ADAMTS18: variants seen among roughly 807,000 people sequenced by gnomAD.
The protein encoded by ADAMTS18 is A disintegrin and metalloproteinase with thrombospondin motifs 18.
Under a neutral mutation model 165.9 loss-of-function variants are expected in ADAMTS18, and 157 were observed. The observed-to-expected ratio is 0.95, with a 90% CI of 0.83 to 1.08. ADAMTS18 has a LOEUF of 1.08. Ranked by LOEUF, ADAMTS18 falls within the 50% of genes least tolerant of loss-of-function variation. The pLI, the probability that ADAMTS18 is intolerant of heterozygous loss-of-function variation, is 0.00. For synonymous variants in ADAMTS18, 782 were observed against 578.2 expected (o/e 1.35, Z -5.06); for missense variants, 2,040 against 1,534.0 (o/e 1.33, Z -5.51).
chr16:77,424,229 G>A (rs1421910429), intron 3 of ADAMTS18, among the ~76,000 whole-genome samples: 1 of 152,186 alleles, frequency 6.6e-6, no homozygotes, highest in Non-Finnish European at 1.5e-5. Context: ...AGCACTTTGG[G>A]AGGCCAAGGC....
At chr16:77,394,856 A>G (rs773863312) in intron 3 of ADAMTS18, among the ~76,000 whole-genome samples, 9 of 152,202 alleles carry the variant, frequency 5.9e-5, no homozygotes, top group Non-Finnish European at 1.0e-4. Flanking sequence ...TACAAGCTCC[A>G]TGGGTGAGCC....
At chr16:77,428,530 CT>C in intron 3 of ADAMTS18, among the ~76,000 whole-genome samples, 1 of 152,084 alleles carries the variant, frequency 6.6e-6, no homozygotes, top group Non-Finnish European at 1.5e-5. Flanking sequence ...AATATCAAGT[CT>C]TCAGGAGGAT....
At chr16:77,356,227 T>C in intron 8 of ADAMTS18, 150 bp from the exon 9 acceptor site, 2 of 972,722 alleles carry the variant, frequency 2.1e-6, no homozygotes, top group Non-Finnish European at 1.5e-6. Context: ...CAAATTACTA[T>C]AGATTGTTAT....
intron 3 of ADAMTS18, among the ~76,000 whole-genome samples, chr16:77,369,095 T>C (rs2056840168): frequency 6.6e-6 from 1 of 152,216 alleles, no homozygotes; most frequent in African/African-American, 2.4e-5. Context: ...ACCTGTGGGA[T>C]TCAGAATCGT....
chr16:77,391,588 T>A (rs1044085939), intron 3 of ADAMTS18, among the ~76,000 whole-genome samples: 5 of 151,812 alleles, frequency 3.3e-5, no homozygotes, highest in Admixed American at 1.3e-4. Context: ...AGAGTACCAA[T>A]GGCCAGGAAG....
At chr16:77,374,353 C>T (rs1215895329) in intron 3 of ADAMTS18, among the ~76,000 whole-genome samples, 1 of 152,000 alleles carries the variant, frequency 6.6e-6, no homozygotes, top group Non-Finnish European at 1.5e-5. Flanking sequence ...TGCACATGAA[C>T]TTGTCTATAT....
In ADAMTS18 at chr16:77,300,297, G is replaced by A. The variant is rs148705153; in HGVS notation, c.2640C>T (p.Ile880=). ...ATKRPAYTWS[I]VQSECSVSCG... ...AGGAGACGGAGCACTCTGACTGCAC[G>A]ATACTCCAGGTATAGGCAGGTCTTT... The change falls in exon 17 of 23, where the codon ATC becomes ATT. Residue 880 remains isoleucine, a synonymous_variant. Transcript: ENST00000282849. The A allele has an allele frequency of 1.3e-5, 21 of 1,614,102 alleles. No homozygotes were observed. Among genetic ancestry groups the A allele is most frequent in the East Asian group, 6.7e-5 (3 of 44,866 alleles).
chr16:77,309,881 T>C (rs1208236278), intron 16 of ADAMTS18, among the ~76,000 whole-genome samples: 1 of 152,202 alleles, frequency 6.6e-6, no homozygotes, highest in African/African-American at 2.4e-5. Context: ...GTGTAAGTTA[T>C]TCACTTCAGG....
chr16:77,425,628 C>T (rs115787133), intron 3 of ADAMTS18, among the ~76,000 whole-genome samples: 1,679 of 152,224 alleles, frequency 0.011, 39 homozygotes, highest in African/African-American at 0.038. Flanking sequence ...GGTGCATTTC[C>T]CCAACGGGAA....
intron 3 of ADAMTS18, among the ~76,000 whole-genome samples, chr16:77,399,265 T>C (rs779428823): frequency 3.9e-5 from 6 of 152,132 alleles, no homozygotes; most frequent in Non-Finnish European, 7.4e-5. Flanking sequence ...AGGTACCACT[T>C]CAGGCAGTGG....
chr16:77,370,240 T>C (rs1486700825), intron 3 of ADAMTS18, among the ~76,000 whole-genome samples: 1 of 152,030 alleles, frequency 6.6e-6, no homozygotes, highest in Non-Finnish European at 1.5e-5. Flanking sequence ...GGTAGAGCAA[T>C]TAGGCAAGAG....
At chr16:77,407,949 T>G (rs1478906697) in intron 3 of ADAMTS18, among the ~76,000 whole-genome samples, 1 of 151,996 alleles carries the variant, frequency 6.6e-6, no homozygotes, top group African/African-American at 2.4e-5. Flanking sequence ...GATTCATTAT[T>G]AAAAAGCCAT....
intron 3 of ADAMTS18, among the ~76,000 whole-genome samples, chr16:77,425,979 G>C (rs2057667284): frequency 6.6e-6 from 1 of 152,088 alleles, no homozygotes; most frequent in Non-Finnish European, 1.5e-5. Context: ...CTGGGAGACA[G>C]AGGTTGCAGT....
chr16:77,361,529 C>T (rs2056713059), intron 7 of ADAMTS18, among the ~76,000 whole-genome samples: 1 of 152,116 alleles, frequency 6.6e-6, no homozygotes, highest in South Asian at 2.1e-4. Flanking sequence ...TACAGAATAA[C>T]CTACAAGTTT....
At chr16:77,398,621 T>C (rs2057289101) in intron 3 of ADAMTS18, among the ~76,000 whole-genome samples, 1 of 152,134 alleles carries the variant, frequency 6.6e-6, no homozygotes, top group Admixed American at 6.5e-5. Flanking sequence ...TTGGGTCAGG[T>C]AAGTCTTTGC....
intron 1 of ADAMTS18, 41 bp downstream of exon 1, chr16:77,434,565 C>T: frequency 6.5e-7 from 1 of 1,530,656 alleles, no homozygotes; most frequent in Non-Finnish European, 8.7e-7. Context: ...GTCGGGCGCC[C>T]CCTGCCACCC....
At chr16:77,313,486 T>A (rs1289635931) in intron 16 of ADAMTS18, among the ~76,000 whole-genome samples, 1 of 146,236 alleles carries the variant, frequency 6.8e-6, no homozygotes, top group African/African-American at 2.5e-5. Flanking sequence ...ACTCAAGGTT[T>A]AAAAAAAAAA....
intron 18 of ADAMTS18, among the ~76,000 whole-genome samples, chr16:77,295,831 C>T (rs915687400): frequency 6.6e-6 from 1 of 151,766 alleles, no homozygotes; most frequent in African/African-American, 2.4e-5. Context: ...TATATTTGAA[C>T]GGTTATCAAT....
intron 3 of ADAMTS18, chr16:77,378,902 G>C (rs1597198290): frequency 1.3e-5 from 2 of 152,218 alleles, no homozygotes; most frequent in African/African-American, 4.8e-5. Flanking sequence ...AGTTGGACTT[G>C]AAATTCTGGG....
Sources: allele counts gnomAD v4.1 joint callset (sites outside exome capture counted in the v4.1 genomes callset), GRCh38; gene constraint gnomAD v4.1.1; transcripts MANE v1.5; gene names NCBI Gene and HGNC (gene_info 2026-07-23, HGNC 2026-07-21).